The following NSD1 variants were observed in gnomAD, a reference collection of about 807,000 sequenced individuals.
NSD1 encodes the protein histone-lysine N-methyltransferase, H3 lysine-36 specific.
Under a neutral mutation model 242.7 loss-of-function variants are expected in NSD1, and 26 were observed. The observed-to-expected ratio is 0.11, with a 90% CI of 0.08 to 0.15. NSD1 has a LOEUF of 0.15. NSD1 is among the 10% of genes least tolerant of loss of function. The probability of loss-of-function intolerance (pLI) is 1.00; values close to 1 mark genes in which losing one functional copy is unlikely to be tolerated. For synonymous variants in NSD1, 1,106 were observed against 1,178.1 expected, an observed-to-expected ratio of 0.94 and a Z score of 1.25; for missense variants, 2,495 against 3,272.8, an observed-to-expected ratio of 0.76 and a Z score of 5.80.
At chr5:177,226,792 CCA>C (rs1273845986) in intron 5 of NSD1, among the ~76,000 whole-genome samples, 1 of 151,710 alleles carries the variant, frequency 6.6e-6, no homozygotes, top group Non-Finnish European at 1.5e-5. Context: ...GTCTGTATTC[CCA>C]CTCACAATCT....
At chr5:177,236,986 A>C (rs1387662173) in intron 6 of NSD1, among the ~76,000 whole-genome samples, 1 of 152,114 alleles carries the variant, frequency 6.6e-6, no homozygotes, top group Non-Finnish European at 1.5e-5. Flanking sequence ...AAAGGTGCAC[A>C]CTACCACACC....
intron 14 of NSD1, chr5:177,265,069 A>G (rs1301548657): frequency 5.3e-6 from 4 of 756,050 alleles, no homozygotes; most frequent in African/African-American, 1.7e-5. Flanking sequence ...AAGAGCCAAG[A>G]TAGCTTCCTG....
At position 177,211,781 on chromosome 5, in the gene NSD1, T is replaced by G; in HGVS notation, c.3382T>G (p.Ser1128Ala). The stretch of plus-strand genomic sequence containing the variant: ...TGGTAAAATTTCTGAAAAAGGACTC[T>G]CTTTTGAAAACGGAAAAGGCCCAGA... ...DPGKISEKGL[S>A]FENGKGPELD... Residue 1128 changes from serine to alanine, a missense_variant, in exon 5 of 23, where the codon TCT (serine) becomes GCT (alanine). This residue lies in a region of NSD1 where 426 missense variants were observed against 411.4 expected (regional missense o/e 1.04). Transcript: ENST00000439151. 1 of 1,614,136 alleles carries G rather than the reference T, an allele frequency of 6.2e-7. No individual in the cohort carries two copies.
rs1477288392 is a variant in NSD1, at chr5:177,296,540, CT to C, written c.*1085del. The C allele has an allele frequency of 1.3e-5, 3 of 233,106 alleles. No individual in the cohort carries two copies. Among genetic ancestry groups the C allele is most frequent in the Non-Finnish European group, 2.5e-5 (3 of 118,056 alleles). 14.4% of individuals were successfully genotyped at this position (233,106 alleles called of 1,614,324 possible). A position where few individuals can be genotyped will look rare whatever the true frequency, so the allele number is the denominator to read the frequency against. On this transcript the variant is annotated 3_prime_UTR_variant, in exon 23 of 23. Transcript: ENST00000439151. ...GATGGGAAATTTCTTTTCCCCATTC[CT>C]TTTCCCTCCTGAGTGGAGGGAGTCC...
chr5:177,276,583 C>T (rs183022658), intron 17 of NSD1, among the ~76,000 whole-genome samples: 1 of 152,284 alleles, frequency 6.6e-6, no homozygotes, highest in Admixed American at 6.5e-5. Flanking sequence ...GCCTCGGTCT[C>T]CCAAAGTTGA....
At chr5:177,186,298 A>G (rs1424010578) in intron 2 of NSD1, among the ~76,000 whole-genome samples, 1 of 150,574 alleles carries the variant, frequency 6.6e-6, no homozygotes, top group Non-Finnish European at 1.5e-5. Flanking sequence ...CTCAGAAACG[A>G]AAAAGAAAAA....
Position 177,193,343 on chromosome 5 carries a change from C to T in NSD1, c.1063+1324C>T, listed in dbSNP as rs137862488. ...ATTTTTAGTAGAGACGGGATTTCAC[C>T]GTGTTAACCAGGATGGTCTTGATCT... On this transcript the variant is annotated intron_variant, in intron 3 of 22. Coordinates refer to ENST00000439151, the MANE Select transcript of NSD1 (RefSeq NM_022455.5). Among the ~76,000 whole-genome samples, 379 of 152,124 alleles carry T rather than the reference C, an allele frequency of 2.5e-3. 2 individuals carry two copies. The highest frequency in any genetic ancestry group is 8.3e-3 in the African/African-American group (345 of 41,492).
At chr5:177,282,250 C>T (rs1758949903) in intron 18 of NSD1, among the ~76,000 whole-genome samples, 1 of 152,156 alleles carries the variant, frequency 6.6e-6, no homozygotes, top group South Asian at 2.1e-4. Flanking sequence ...TCCAGTGTAT[C>T]CTAATCTTTC....
Position 177,248,341 on chromosome 5 carries a change from C to G in NSD1, c.4641+17C>G, listed in dbSNP as rs1364191609. 1 of 1,611,650 alleles carries G rather than the reference C, an allele frequency of 6.2e-7. No individual in the cohort carries two copies. Among genetic ancestry groups the G allele is most frequent in the Non-Finnish European group, 8.5e-7 (1 of 1,178,946 alleles). Reference sequence around the variant, plus strand: ...GTCTGTCAGGTAGAGAAATGTTTGCCCACTTGTGTTTTCATTGCATGTTCA... The same window carrying G: ...GTCTGTCAGGTAGAGAAATGTTTGCGCACTTGTGTTTTCATTGCATGTTCA... On this transcript the variant is annotated intron_variant, in intron 11 of 22. Transcript: ENST00000439151.
In NSD1 at chr5:177,257,162, C is replaced by G. The variant is rs762149964; in HGVS notation, c.4966+11C>G. ...TTTCTGCATCTAAAGGTATGGATTTCTTATGTGGACCAGTCTAATTGTAAA... is the reference window on the plus strand; with the variant it reads ...TTTCTGCATCTAAAGGTATGGATTTGTTATGTGGACCAGTCTAATTGTAAA... On this transcript the variant is annotated intron_variant, in intron 13 of 22. Coordinates refer to ENST00000439151, the MANE Select transcript of NSD1 (RefSeq NM_022455.5). The G allele has an allele frequency of 3.7e-6, 6 of 1,601,948 alleles. No homozygotes were observed. The highest frequency in any genetic ancestry group is 4.3e-6 in the Non-Finnish European group (5 of 1,170,604).
intron 2 of NSD1, among the ~76,000 whole-genome samples, chr5:177,172,904 G>C (rs570441282): frequency 7.5e-5 from 11 of 147,238 alleles, no homozygotes; most frequent in African/African-American, 2.8e-4. Flanking sequence ...TGAGGCTGTA[G>C]TGAGCTGAGA....
At chr5:177,205,963 AC>A (rs1223440055) in intron 4 of NSD1, among the ~76,000 whole-genome samples, 1 of 152,074 alleles carries the variant, frequency 6.6e-6, no homozygotes, top group Non-Finnish European at 1.5e-5. Flanking sequence ...AGCTGGGACT[AC>A]AGATATGTAT....
At position 177,135,492 on chromosome 5, in the gene NSD1, C is replaced by T. The variant is rs1581090536; in HGVS notation, c.389C>T (p.Pro130Leu). Residue 130 changes from proline to leucine, a missense_variant, in exon 2 of 23, where the codon CCC becomes CTC. Around this residue, in one of 19 missense-constraint regions of NSD1, gnomAD observed 376 missense variants for 367.4 expected, o/e 1.02. Coordinates refer to ENST00000439151, the MANE Select transcript of NSD1 (RefSeq NM_022455.5). Reference protein sequence around the residue: ...GPTALAMKQEPSCNNSPELQV... With the variant: ...GPTALAMKQELSCNNSPELQV... ...ACAGCACTTGCTATGAAACAGGAAC[C>T]CTCTTGTAATAACTCCCCTGAACTC... The T allele has an allele frequency of 1.9e-6, 3 of 1,614,130 alleles. No individual in the cohort carries two copies. Among genetic ancestry groups the T allele is most frequent in the Non-Finnish European group, 2.5e-6 (3 of 1,180,038 alleles).
In NSD1 at chr5:177,192,797, TGG is replaced by T. The variant is rs1761806367; in HGVS notation, c.1063+781_1063+782del. 2.6e-5 allele frequency among the ~76,000 whole-genome samples: 4 copies of T among 152,294 alleles called. No individual in the cohort carries two copies. The South Asian group carries it at 8.3e-4, about 32-fold the overall frequency. On this transcript the variant is annotated intron_variant, in intron 3 of 22. Transcript: ENST00000439151. ...CCGCCCGCCTTAGACTCCCAAAGTATGGGGATTACAGGCGTGAGCCACTGTGC... is the reference window on the plus strand; with the variant it reads ...CCGCCCGCCTTAGACTCCCAAAGTATGGATTACAGGCGTGAGCCACTGTGC...
At position 177,211,236 on chromosome 5, in the gene NSD1, C is replaced by G. The variant is rs1222963434; in HGVS notation, c.2837C>G (p.Thr946Ser). The part of the protein sequence containing the change: ...YRSPGRGDCS[T>S]NSPVGVSKVL... The stretch of plus-strand genomic sequence containing the variant: ...AGTCCTGGTCGTGGGGACTGTTCTA[C>G]TAATAGTCCTGTAGGAGTCTCTAAG... Residue 946 changes from threonine (T) to serine (S), a missense_variant, in exon 5 of 23, where the codon ACT becomes AGT. This residue lies in a region of NSD1 where 121 missense variants were observed against 167.2 expected (regional missense o/e 0.72). Coordinates refer to ENST00000439151, the MANE Select transcript of NSD1 (RefSeq NM_022455.5). The G allele has an allele frequency of 6.2e-7, 1 of 1,613,970 alleles. No individual in the cohort carries two copies. Among genetic ancestry groups the G allele is most frequent in the Non-Finnish European group, 8.5e-7 (1 of 1,179,926 alleles).
chr5:177,174,693 G>C (rs1341460487), intron 2 of NSD1, among the ~76,000 whole-genome samples: 3 of 149,598 alleles, frequency 2.0e-5, no homozygotes, highest in Non-Finnish European at 1.5e-5. Flanking sequence ...TGAGTAGCTG[G>C]GATTACAGGT....
Position 177,273,719 on chromosome 5 carries a change from G to A in NSD1, c.5557G>A (p.Glu1853Lys). Residue 1853 changes from glutamate to lysine, a missense_variant, in exon 17 of 23, where the codon GAG (glutamate) becomes AAG (lysine). Glu to Lys is a moderately conservative substitution (Grantham distance 56, BLOSUM62 1). Around this residue, in one of 19 missense-constraint regions of NSD1, gnomAD observed 114 missense variants for 247.4 expected, o/e 0.46. Coordinates refer to ENST00000439151, the MANE Select transcript of NSD1 (RefSeq NM_022455.5). ...GTTTGAGGAATTAAAGGCCCAAAAA[G>A]AGCTAAGACAGCTGCAGGAAGACCG... is the stretch of plus-strand genomic sequence containing the variant. Reference protein sequence around the residue: ...ARFEELKAQKELRQLQEDRKN... With the variant: ...ARFEELKAQKKLRQLQEDRKN... 1 of 1,613,892 alleles carries A rather than the reference G, an allele frequency of 6.2e-7. No individual in the cohort carries two copies. Among genetic ancestry groups the A allele is most frequent in the Middle Eastern group, 1.7e-4 (1 of 6,060 alleles).
At chr5:177,287,858 A>G (rs908994930) in intron 20 of NSD1, among the ~76,000 whole-genome samples, 26 of 152,228 alleles carry the variant, frequency 1.7e-4, no homozygotes, top group Admixed American at 1.2e-3. Context: ...TATTGTGAAC[A>G]TACTTGATAA....
chr5:177,198,052 C>G (rs932804575), intron 3 of NSD1, among the ~76,000 whole-genome samples: 2 of 152,108 alleles, frequency 1.3e-5, no homozygotes, highest in African/African-American at 4.8e-5. Flanking sequence ...CTCTGTCACT[C>G]AGGCTGGAGT....
Sources: allele counts gnomAD v4.1 joint callset (sites outside exome capture counted in the v4.1 genomes callset), GRCh38; gene constraint gnomAD v4.1.1; regional missense constraint gnomAD v4.1.1; transcripts MANE v1.5; gene names NCBI Gene and HGNC (gene_info 2026-07-23, HGNC 2026-07-21).